PTCRA: variants seen among roughly 807,000 people sequenced by gnomAD.
PTCRA encodes pre T-cell antigen receptor alpha.
A neutral mutation model predicts 13.4 loss-of-function variants in PTCRA; 9 were observed. The ratio of observed to expected loss-of-function variants is 0.67; its 90% confidence interval spans 0.41 to 1.18. The LOEUF is 1.18. Among genes scored for constraint, PTCRA ranks in the 50% most tolerant of loss-of-function variants. The probability of loss-of-function intolerance (pLI) is 0.01; values close to 1 mark genes in which losing one functional copy is unlikely to be tolerated. For synonymous variants in PTCRA, 153 were observed against 161.9 expected, an observed-to-expected ratio of 0.94 and a Z score of 0.42; for missense variants, 353 against 359.8, an observed-to-expected ratio of 0.98 and a Z score of 0.15.
At chr6:42,916,172 C>T (rs1425773349) in intron 1 of PTCRA, 45 bp downstream of exon 1, 6 of 1,582,864 alleles carry the variant, frequency 3.8e-6, no homozygotes, top group East Asian at 4.5e-5. Context: ...CTCAGTCTGC[C>T]GAAGCCCATC....
chr6:42,924,556 C>G (rs905470769), intron 3 of PTCRA, among the ~76,000 whole-genome samples: 2 of 152,114 alleles, frequency 1.3e-5, no homozygotes, highest in African/African-American at 4.8e-5. Context: ...CCTTGGGCAG[C>G]CCAGGCAGGG....
chr6:42,924,619 A>G (rs1430538381), intron 3 of PTCRA, among the ~76,000 whole-genome samples: 2 of 152,158 alleles, frequency 1.3e-5, no homozygotes, highest in Non-Finnish European at 1.5e-5. Context: ...GGTGATGGAA[A>G]GAGCCTGGAC....
chr6:42,921,451 C>T (rs1416986217), intron 1 of PTCRA, among the ~76,000 whole-genome samples: 2 of 119,072 alleles, frequency 1.7e-5, no homozygotes, highest in South Asian at 3.0e-4. Context: ...GAGAGTCTTG[C>T]TCTGTCGCCA....
In PTCRA at chr6:42,925,215, G is replaced by A. The variant is rs1234311028; in HGVS notation, c.425-46G>A. On this transcript the variant is annotated intron_variant, in intron 3 of 3. Coordinates refer to ENST00000304672, the MANE Select transcript of PTCRA (RefSeq NM_138296.3). The surrounding 1 kb of genome is among the most constrained non-coding windows in gnomAD (Gnocchi z 4.4). ...CTCTCCGCCGTTCTCTCCTGGGGTA[G>A]GGGGCTGCGGGCTCCTGCGGGCTCC... is the stretch of plus-strand genomic sequence containing the variant. 1.1e-5 allele frequency: 17 copies of A among 1,545,276 alleles called. No homozygotes were observed. Among genetic ancestry groups the A allele is most frequent in the Non-Finnish European group, 1.4e-5 (16 of 1,151,976 alleles).
intron 1 of PTCRA, among the ~76,000 whole-genome samples, chr6:42,917,585 T>C (rs541938166): frequency 7.4e-5 from 11 of 149,026 alleles, no homozygotes; most frequent in African/African-American, 2.5e-4. Flanking sequence ...GAGTTTGCTC[T>C]GTTGCCCAGA....
chr6:42,925,538 G>A lies in PTCRA; in HGVS notation c.702G>A (p.Trp234Ter). The change falls in exon 4 of 4, where the codon TGG (tryptophan) becomes TGA (stop). Residue 234 changes from tryptophan to a stop codon, truncating the protein, a stop_gained. Coordinates refer to ENST00000304672, the MANE Select transcript of PTCRA (RefSeq NM_138296.3). LOFTEE classifies it low-confidence loss of function (END_TRUNC). The surrounding 1 kb of genome is among the most constrained non-coding windows in gnomAD (Gnocchi z 4.4). ...GTCGGAAGCCCGGGAGCCCAGTATG[G>A]GGGGAAGGGTCTTACCTCAGCAGTT... Reference protein sequence around the residue: ...PPGRKPGSPVWGEGSYLSSYP... With the variant: ...PPGRKPGSPV The A allele has an allele frequency of 6.3e-7, 1 of 1,590,038 alleles. No homozygotes were observed. Among genetic ancestry groups the A allele is most frequent in the Middle Eastern group, 1.7e-4 (1 of 6,034 alleles).
At position 42,925,578 on chromosome 6, in the gene PTCRA, G is replaced by GCA. The variant is rs909488056; in HGVS notation, c.745_746dup (p.Gln249HisfsTer47). The GCA allele has an allele frequency of 1.2e-6, 2 of 1,601,996 alleles. No homozygotes were observed. Among genetic ancestry groups the GCA allele is most frequent in the Non-Finnish European group, 1.7e-6 (2 of 1,173,808 alleles). The stretch of plus-strand genomic sequence containing the variant: ...CCTCAGCAGTTACCCCACTTGCCCA[G>GCA]CACAGGCCTGGTGCTCAAGATCTGC... On this transcript the variant is annotated frameshift_variant, in exon 4 of 4. Transcript: ENST00000304672. LOFTEE classifies it low-confidence loss of function (END_TRUNC). The surrounding 1 kb of genome is among the most constrained non-coding windows in gnomAD (Gnocchi z 4.4).
chr6:42,920,694 G>A (rs1767111854), intron 1 of PTCRA, among the ~76,000 whole-genome samples: 1 of 152,132 alleles, frequency 6.6e-6, no homozygotes, highest in Non-Finnish European at 1.5e-5. Context: ...CAAAGTGCTG[G>A]GATTACAGGC....
At chr6:42,922,568 T>C (rs949836183) in intron 1 of PTCRA, among the ~76,000 whole-genome samples, 7 of 151,740 alleles carry the variant, frequency 4.6e-5, no homozygotes, top group Non-Finnish European at 1.0e-4. Context: ...CTAACACGTC[T>C]CTACTAAAAA....
intron 1 of PTCRA, among the ~76,000 whole-genome samples, chr6:42,921,610 G>A (rs1418923026): frequency 6.7e-6 from 1 of 148,728 alleles, no homozygotes; most frequent in African/African-American, 2.5e-5. Flanking sequence ...TAGAGATGGG[G>A]TTTCACCATG....
At chr6:42,917,262 G>T (rs936610065) in intron 1 of PTCRA, among the ~76,000 whole-genome samples, 3 of 147,828 alleles carry the variant, frequency 2.0e-5, no homozygotes, top group South Asian at 4.2e-4. Flanking sequence ...TCGCACTGTC[G>T]CCCGGGCTGG....
At position 42,925,091 on chromosome 6, in the gene PTCRA, G is replaced by A. The variant is rs1172989563; in HGVS notation, c.425-170G>A. 10 of 835,384 alleles carry A rather than the reference G, an allele frequency of 1.2e-5. No homozygotes were observed. Among genetic ancestry groups the A allele is most frequent in the Non-Finnish European group, 1.6e-5 (9 of 553,640 alleles). The allele number at this position is 835,384 out of a possible 1,614,324, so 51.7% of individuals were successfully genotyped here. On this transcript the variant is annotated intron_variant, in intron 3 of 3. Transcript: ENST00000304672. This position sits in a 1 kb window ranked among gnomAD's most constrained non-coding sequence, Gnocchi z 4.4. Reference sequence around the variant, plus strand: ...AATAAAATAAAATGAAGGCCAGGAAGGTATGTATTATTACCAGTAAGAACG... The same window carrying A: ...AATAAAATAAAATGAAGGCCAGGAAAGTATGTATTATTACCAGTAAGAACG...
At position 42,925,677 on chromosome 6, in the gene PTCRA, G is replaced by A. The variant is rs61743125; in HGVS notation, c.841G>A (p.Ala281Thr). Residue 281 changes from alanine to threonine, a missense_variant, in exon 4 of 4, where the codon GCC (alanine) becomes ACC (threonine). Ala to Thr is a moderately conservative substitution (Grantham distance 58). Coordinates refer to ENST00000304672, the MANE Select transcript of PTCRA (RefSeq NM_138296.3). The surrounding 1 kb of genome is among the most constrained non-coding windows in gnomAD (Gnocchi z 4.4). ...DLPPPLQAGA[A>T] ...GCCTCCTCCTCTGCAGGCTGGAGCTGCCTGAGGGCAGGGCTCTACCTCCCC... is the reference window on the plus strand; with the variant it reads ...GCCTCCTCCTCTGCAGGCTGGAGCTACCTGAGGGCAGGGCTCTACCTCCCC... 0.026 allele frequency: 39,358 copies of A among 1,521,302 alleles called. 587 individuals carry two copies. Among genetic ancestry groups the A allele is most frequent in the Non-Finnish European group, 0.028 (31,647 of 1,134,286 alleles). The allele number at this position is 1,521,302 out of a possible 1,614,324, so 94.2% of individuals were successfully genotyped here.
Position 42,923,035 on chromosome 6 carries a change from G to C in PTCRA, c.67G>C (p.Gly23Arg). ...GCPALPTGVG[G>R]TPFPSLAPPI... ...TACATGCTCTCTTGCAGGTGTGGGC[G>C]GCACACCCTTTCCTTCTCTGGCCCC... Residue 23 changes from glycine to arginine, a missense_variant, in exon 2 of 4, where the codon GGC becomes CGC. Physicochemically the swap from Gly to Arg is moderately radical, Grantham distance 125 (BLOSUM62 -2). Coordinates refer to ENST00000304672, the MANE Select transcript of PTCRA (RefSeq NM_138296.3). 6.2e-7 allele frequency: 1 copy of C among 1,614,112 alleles called. No individual in the cohort carries two copies. The highest frequency in any genetic ancestry group is 8.5e-7 in the Non-Finnish European group (1 of 1,179,998).
At chr6:42,916,545 T>C (rs1766885700) in intron 1 of PTCRA, among the ~76,000 whole-genome samples, 1 of 152,162 alleles carries the variant, frequency 6.6e-6, no homozygotes, top group Non-Finnish European at 1.5e-5. Flanking sequence ...GTCCTGTCCT[T>C]CTTGCCCTCA....
intron 1 of PTCRA, among the ~76,000 whole-genome samples, chr6:42,917,229 T>TTATTATAA (rs879847725): frequency 7.3e-6 from 1 of 137,314 alleles, no homozygotes; most frequent in African/African-American, 2.9e-5. Flanking sequence ...ATTATTATTA[T>TTATTATAA]TATTTATTTT....
chr6:42,922,955 AGCCTACAACACAAT>A, intron 1 of PTCRA, 58 bp from the exon 2 acceptor site: 1 of 1,394,916 alleles, frequency 7.2e-7, no homozygotes, highest in South Asian at 1.2e-5. Context: ...GTAGAACCCT[AGCCTACAACACAAT>A]GCTGGCCTGG....
intron 3 of PTCRA, 52 bp downstream of exon 3, chr6:42,924,325 G>A: frequency 1.3e-6 from 2 of 1,544,192 alleles, no homozygotes; most frequent in Non-Finnish European, 1.8e-6. Flanking sequence ...CCAGGACCTT[G>A]GGCCCGGGGG....
chr6:42,916,272 G>T (rs1766874169), intron 1 of PTCRA, 145 bp downstream of exon 1: 7 of 770,738 alleles, frequency 9.1e-6, no homozygotes. Flanking sequence ...TCCCTCTGGG[G>T]AGGGGACCTC....
Sources: gnomAD v4.1 joint callset for allele counts (sites outside exome capture counted in the v4.1 genomes callset) on GRCh38, gnomAD v4.1.1 for gene constraint, Gnocchi (gnomAD v3.1) non-coding constraint, MANE v1.5 for transcripts, NCBI Gene and HGNC (gene_info 2026-07-23, HGNC 2026-07-21) for gene names.